FDXACB1: variants seen among roughly 807,000 people sequenced by gnomAD.
FDXACB1 encodes ferredoxin-fold anticodon-binding domain-containing protein 1.
In FDXACB1, 41 loss-of-function variants were observed where a neutral mutation model predicts 51.7. The observed-to-expected ratio is 0.79, with a 90% CI of 0.62 to 1.03. The LOEUF (loss-of-function observed/expected upper bound fraction) is 1.03, where lower values mean the gene tolerates loss of function less well. FDXACB1 is among the 50% of genes least tolerant of loss of function. The probability of loss-of-function intolerance (pLI) is 0.00; values close to 1 mark genes in which losing one functional copy is unlikely to be tolerated. For missense variants in FDXACB1, 697 were observed against 746.4 expected, an observed-to-expected ratio of 0.93 and a Z score of 0.77; for synonymous variants, 273 against 278.6, an observed-to-expected ratio of 0.98 and a Z score of 0.20.
At chr11:111,878,821 C>A in intron 1 of FDXACB1, 109 bp from the exon 2 acceptor site, 2 of 1,506,226 alleles carry the variant, frequency 1.3e-6, no homozygotes, top group Middle Eastern at 2.3e-4. Flanking sequence ...CAAGTCTGGG[C>A]ACAAAGCCGG....
chr11:111,876,021 A>G lies in FDXACB1; in HGVS notation c.776T>C (p.Leu259Pro), dbSNP rs1364171010. 3.1e-6 allele frequency: 5 copies of G among 1,613,956 alleles called. No individual in the cohort carries two copies. In the African/African-American group the frequency reaches 4.0e-5, roughly 13 times the overall value. ...AGGGTAGGAACACTTCAGCCTTTTTAGCGGGAAAACTTTGCCTAATTCAGC... is the reference window on the plus strand; with the variant it reads ...AGGGTAGGAACACTTCAGCCTTTTTGGCGGGAAAACTTTGCCTAATTCAGC... ...LIAELGKVFP[L>P]KRLKCSYPLL... The change falls in exon 5 of 5, where the codon CTA becomes CCA. Residue 259 changes from leucine (L) to proline (P), a missense_variant. By Grantham distance (98) the Leu-to-Pro change is moderately conservative (BLOSUM62 -3). This residue lies in a region of FDXACB1 where 538 missense variants were observed against 592.2 expected (regional missense o/e 0.91). Transcript: ENST00000260257.
In FDXACB1 at chr11:111,875,707, A is replaced by C. The variant is rs1370790792; in HGVS notation, c.1090T>G (p.Phe364Val). The C allele has an allele frequency of 6.2e-7, 1 of 1,613,560 alleles. No homozygotes were observed. Among genetic ancestry groups the C allele is most frequent in the Non-Finnish European group, 8.5e-7 (1 of 1,179,890 alleles). ...AGGATGTGCAGAGAACCTGAGAGGA[A>C]GTCTGGTACTTCGATGACATCCTGA... ...HVQDVIEVPD[F>V]LSGSLHILSG... Residue 364 changes from phenylalanine (F) to valine (V), a missense_variant, in exon 5 of 5, where the codon TTC (phenylalanine) becomes GTC (valine). This residue lies in a region of FDXACB1 where 538 missense variants were observed against 592.2 expected (regional missense o/e 0.91). Coordinates refer to ENST00000260257, the MANE Select transcript of FDXACB1 (RefSeq NM_138378.3).
At position 111,879,012 on chromosome 11, in the gene FDXACB1, A is replaced by G. The variant is rs782339358; in HGVS notation, c.121T>C (p.Leu41=). The change falls in exon 1 of 5, where the codon TTG becomes CTG. Residue 41 remains leucine, a synonymous_variant. Coordinates refer to ENST00000260257, the MANE Select transcript of FDXACB1 (RefSeq NM_138378.3). ...TATCLQRPAE[L]ARDPLAWENL... ...TCCCAGGCCAGTGGATCCCGAGCCA[A>G]CTCGGCCGGGCGCTGGAGGCAGGTG... The G allele has an allele frequency of 3.1e-6, 5 of 1,613,016 alleles. No homozygotes were observed. Among genetic ancestry groups the G allele is most frequent in the South Asian group, 1.1e-5 (1 of 90,964 alleles).
At chr11:111,877,416 T>C (rs1391482649) in intron 2 of FDXACB1, among the ~76,000 whole-genome samples, 2 of 152,198 alleles carry the variant, frequency 1.3e-5, no homozygotes, top group African/African-American at 4.8e-5. Flanking sequence ...TTGACAGCTA[T>C]GCCCCATCGG....
chr11:111,878,703 ACAT>A lies in FDXACB1; in HGVS notation c.179_181del (p.Asp60del), dbSNP rs782311343. On this transcript the variant is annotated inframe_deletion, in exon 2 of 5. Coordinates refer to ENST00000260257, the MANE Select transcript of FDXACB1 (RefSeq NM_138378.3). ...CTGGGTGCAGTCCACACCGAAACGTACATCGATACCTGGCAAAGATAGTTTGGG... is the reference window on the plus strand; with the variant it reads ...CTGGGTGCAGTCCACACCGAAACGTACGATACCTGGCAAAGATAGTTTGGG... The A allele has an allele frequency of 6.2e-7, 1 of 1,610,240 alleles. No homozygotes were observed.
At position 111,878,947 on chromosome 11, in the gene FDXACB1, G is replaced by A; in HGVS notation, c.172+14C>T. The A allele has an allele frequency of 6.3e-7, 1 of 1,582,940 alleles. No homozygotes were observed. The highest frequency in any genetic ancestry group is 8.6e-7 in the Non-Finnish European group (1 of 1,166,602). On this transcript the variant is annotated intron_variant, in intron 1 of 4. Coordinates refer to ENST00000260257, the MANE Select transcript of FDXACB1 (RefSeq NM_138378.3). ...GCCGCTGGGCGGGGTTTCGCAGAGG[G>A]GCGGGCTCGCTACCTCGCTCGCGCA...
At chr11:111,877,512 C>CTT (rs35506169) in intron 2 of FDXACB1, among the ~76,000 whole-genome samples, 231 of 106,886 alleles carry the variant, frequency 2.2e-3, no homozygotes, top group African/African-American at 3.9e-3. Flanking sequence ...CTGTTAGTTA[C>CTT]TTTTTTTTTT....
At chr11:111,878,892 C>T in intron 1 of FDXACB1, 69 bp downstream of exon 1, 4 of 1,548,424 alleles carry the variant, frequency 2.6e-6, no homozygotes, top group South Asian at 2.4e-5. Context: ...CATCCCCACG[C>T]CCCCACCCTT....
Position 111,879,102 on chromosome 11 carries a change from C to T in FDXACB1, c.31G>A (p.Glu11Lys). Residue 11 changes from glutamate to lysine, a missense_variant, in exon 1 of 5, where the codon GAG becomes AAG. Coordinates refer to ENST00000260257, the MANE Select transcript of FDXACB1 (RefSeq NM_138378.3). The stretch of plus-strand genomic sequence containing the variant: ...GCGGCGGCGAAGGAGAAATTCCCCT[C>T]CCCAACCAACAGGAGGCGCCGAGGG... The part of the protein sequence containing the change: MAPRRLLLVG[E>K]GNFSFAAALS... The T allele has an allele frequency of 1.2e-6, 2 of 1,612,958 alleles. No individual in the cohort carries two copies. Among genetic ancestry groups the T allele is most frequent in the South Asian group, 1.1e-5 (1 of 91,052 alleles).
chr11:111,878,168 G>A (rs1964860696), intron 2 of FDXACB1, among the ~76,000 whole-genome samples: 1 of 151,948 alleles, frequency 6.6e-6, no homozygotes, highest in African/African-American at 2.4e-5. Context: ...CTCCAGCCTG[G>A]GCGACAGGGC....
rs1555161893 is a variant in FDXACB1 at position 111,875,223 on chromosome 11, G to A, written c.1574C>T (p.Pro525Leu). Residue 525 changes from proline (P) to leucine (L), a missense_variant, in exon 5 of 5, where the codon CCC (proline) becomes CTC (leucine). By Grantham distance (98) the Pro-to-Leu change is moderately conservative. This residue lies in a region of FDXACB1 where 538 missense variants were observed against 592.2 expected (regional missense o/e 0.91). Coordinates refer to ENST00000260257, the MANE Select transcript of FDXACB1 (RefSeq NM_138378.3). Reference protein sequence around the residue: ...LKNFVPGKIEPFKSHSLYPPC... With the variant: ...LKNFVPGKIELFKSHSLYPPC... ...AGGATACAGAGAATGACTTTTAAAGGGTTCTATTTTGCCAGGGACAAAATT... is the reference window on the plus strand; with the variant it reads ...AGGATACAGAGAATGACTTTTAAAGAGTTCTATTTTGCCAGGGACAAAATT... 6.2e-7 allele frequency: 1 copy of A among 1,613,642 alleles called. No individual in the cohort carries two copies. Among genetic ancestry groups the A allele is most frequent in the Non-Finnish European group, 8.5e-7 (1 of 1,179,874 alleles).
At chr11:111,878,453 T>C in intron 2 of FDXACB1, 103 bp downstream of exon 2, 1 of 1,317,970 alleles carries the variant, frequency 7.6e-7, no homozygotes, top group Non-Finnish European at 1.0e-6. Context: ...TAGTCTCTTC[T>C]AAACATATCA....
chr11:111,876,045 G>A lies in FDXACB1; in HGVS notation c.752C>T (p.Ala251Val), dbSNP rs782020485. ...PIKTINEKLIAELGKVFPLKR... is the reference protein window; with the variant it reads ...PIKTINEKLIVELGKVFPLKR... ...TAGCGGGAAAACTTTGCCTAATTCA[G>A]CAATGAGTTTCTCATTTATGGTTTT... Residue 251 changes from alanine (A) to valine (V), a missense_variant, in exon 5 of 5, where the codon GCT becomes GTT. By Grantham distance (64) the Ala-to-Val change is moderately conservative. This residue lies in a region of FDXACB1 where 538 missense variants were observed against 592.2 expected (regional missense o/e 0.91). Transcript: ENST00000260257. 3 of 1,613,906 alleles carry A rather than the reference G, an allele frequency of 1.9e-6. No individual in the cohort carries two copies. Among genetic ancestry groups the A allele is most frequent in the Non-Finnish European group, 2.5e-6 (3 of 1,179,854 alleles).
In FDXACB1 at chr11:111,878,667, A is replaced by G; in HGVS notation, c.218T>C (p.Val73Ala). The change falls in exon 2 of 5, where the codon GTC (valine) becomes GCC (alanine). Residue 73 changes from valine to alanine, a missense_variant. Around this residue, in one of 3 missense-constraint regions of FDXACB1, gnomAD observed 153 missense variants for 133.5 expected, o/e 1.15. Transcript: ENST00000260257. ...FGVDCTQLAD[V>A]FELHEREFDQ... The stretch of plus-strand genomic sequence containing the variant: ...AAATTCTCTCTCGTGCAGTTCAAAG[A>G]CATCTGCCAGCTGGGTGCAGTCCAC... The G allele has an allele frequency of 6.2e-7, 1 of 1,611,790 alleles. No individual in the cohort carries two copies. Among genetic ancestry groups the G allele is most frequent in the East Asian group, 2.2e-5 (1 of 44,854 alleles).
At chr11:111,877,215 G>A (rs1389035628) in intron 2 of FDXACB1, among the ~76,000 whole-genome samples, 1 of 152,230 alleles carries the variant, frequency 6.6e-6, no homozygotes, top group Non-Finnish European at 1.5e-5. Context: ...CCCACTCACT[G>A]ATAAGATTGG....
Position 111,876,120 on chromosome 11 carries a change from C to G in FDXACB1, c.693-16G>C. On this transcript the variant is annotated splice_polypyrimidine_tract_variant and intron_variant, in intron 4 of 4. Transcript: ENST00000260257. ...CAGGAAACCCCTGTTTAAACACACA[C>G]AAAAATAACTTTTCTAACTTAAGAT... The G allele has an allele frequency of 6.4e-7, 1 of 1,553,874 alleles. No individual in the cohort carries two copies. The highest frequency in any genetic ancestry group is 8.7e-7 in the Non-Finnish European group (1 of 1,149,482).
rs912319070 is a variant in FDXACB1, at chr11:111,878,769, G to A, written c.173-57C>T. ...AGACAGGAGGATGCCTCAAGACATG[G>A]AACAGAAAAACTCTTCCTAACTTAA... On this transcript the variant is annotated intron_variant, in intron 1 of 4. Transcript: ENST00000260257. 108 of 1,560,074 alleles carry A rather than the reference G, an allele frequency of 6.9e-5. 1 individual carries two copies. The African/African-American group carries it at 1.2e-3, about 18-fold the overall frequency.
chr11:111,876,715 T>G (rs1964823970), intron 3 of FDXACB1, 76 bp from the exon 4 acceptor site: 14 of 1,583,460 alleles, frequency 8.8e-6, no homozygotes, highest in Non-Finnish European at 1.2e-5. Flanking sequence ...AATCAATTAA[T>G]TGGCAGGGCC....
Position 111,874,671 on chromosome 11 carries a change from C to A in FDXACB1, c.*251G>T. ...TCGGGAGGCTGAGGCAGGAGAATGG[C>A]ATGAACCTGGGAGGTGGAGCTTATA... On this transcript the variant is annotated 3_prime_UTR_variant, in exon 5 of 5. Transcript: ENST00000260257. The A allele has an allele frequency of 2.6e-6, 1 of 384,708 alleles. No individual in the cohort carries two copies. Among genetic ancestry groups the A allele is most frequent in the East Asian group, 4.9e-5 (1 of 20,494 alleles). The allele number at this position is 384,708 out of a possible 1,614,324, so 23.8% of individuals were successfully genotyped here.
Sources: gnomAD v4.1 joint callset for allele counts (sites outside exome capture counted in the v4.1 genomes callset) on GRCh38, gnomAD v4.1.1 for gene constraint, gnomAD v4.1.1 regional missense constraint, MANE v1.5 for transcripts, NCBI Gene and HGNC (gene_info 2026-07-23, HGNC 2026-07-21) for gene names.